The following SDK1 variants were observed in gnomAD, a reference collection of about 807,000 sequenced individuals.
SDK1 encodes the protein sidekick cell adhesion molecule 1.
A neutral mutation model predicts 245.5 loss-of-function variants in SDK1; 157 were observed. That is an observed-to-expected ratio of 0.64 (90% confidence interval 0.56 to 0.73). The LOEUF (loss-of-function observed/expected upper bound fraction) is 0.73, where lower values mean the gene tolerates loss of function less well. Among genes scored for constraint, SDK1 ranks in the 30% least tolerant of loss-of-function variants. The pLI, the probability that SDK1 is intolerant of heterozygous loss-of-function variation, is 0.00. For synonymous variants in SDK1, 1,647 were observed against 1,278.5 expected (o/e 1.29, Z -6.15); for missense variants, 3,583 against 3,002.3 (o/e 1.19, Z -4.52).
In SDK1 at chr7:4,157,351, A is replaced by G. The variant is rs1383320111; in HGVS notation, c.4626-1097A>G. 2.6e-5 allele frequency among the ~76,000 whole-genome samples: 3 copies of G among 115,628 alleles called. 1 individual carries two copies. The highest frequency in any genetic ancestry group is 7.5e-5 in the African/African-American group (2 of 26,818). The allele number at this position is 115,628 out of a possible 152,430, so 75.9% of individuals were successfully genotyped here. A position where few individuals can be genotyped will look rare whatever the true frequency, so the allele number is the denominator to read the frequency against. ...TGGAAGGGAGAGAAGGGAAGAAGGA[A>G]GGAAAGTGGGAAGGGAGGAAGAAGG... On this transcript the variant is annotated intron_variant, in intron 30 of 44. Transcript: ENST00000404826.
At chr7:3,848,387 C>A (rs58462438) in intron 5 of SDK1, among the ~76,000 whole-genome samples, 170 of 152,270 alleles carry the variant, frequency 1.1e-3, no homozygotes, top group African/African-American at 4.0e-3. Flanking sequence ...GTCTTCCTTA[C>A]GTCCTTCAGA....
At chr7:4,253,852 C>T (rs1787462041) in intron 44 of SDK1, among the ~76,000 whole-genome samples, 1 of 152,122 alleles carries the variant, frequency 6.6e-6, no homozygotes, top group Non-Finnish European at 1.5e-5. Context: ...ACCATTTTAT[C>T]AGATATTTGC....
chr7:3,868,047 C>T (rs1052207584), intron 5 of SDK1, among the ~76,000 whole-genome samples: 16 of 152,074 alleles, frequency 1.1e-4, no homozygotes, highest in Non-Finnish European at 1.8e-4. Context: ...GAATGTTTCA[C>T]GGAATGTTAA....
intron 4 of SDK1, among the ~76,000 whole-genome samples, chr7:3,684,896 G>A (rs896951094): frequency 6.6e-6 from 1 of 152,068 alleles, no homozygotes; most frequent in Non-Finnish European, 1.5e-5. Flanking sequence ...ACAGAGGACC[G>A]AATCCATGAA....
chr7:4,056,406 A>G (rs1471851547), intron 19 of SDK1, among the ~76,000 whole-genome samples: 1 of 152,170 alleles, frequency 6.6e-6, no homozygotes, highest in Non-Finnish European at 1.5e-5. Context: ...AAGAACAAGA[A>G]CAGCAAGTAG....
chr7:4,130,683 G>C (rs1321134832), intron 27 of SDK1, among the ~76,000 whole-genome samples: 1 of 152,180 alleles, frequency 6.6e-6, no homozygotes, highest in Non-Finnish European at 1.5e-5. Flanking sequence ...CGCCTTGCCA[G>C]CTTTGTTTTC....
intron 1 of SDK1, among the ~76,000 whole-genome samples, chr7:3,529,343 G>C (rs1197616232): frequency 2.0e-5 from 3 of 152,148 alleles, no homozygotes; most frequent in African/African-American, 7.2e-5. Flanking sequence ...GCTCCTTGAA[G>C]GAATAGTTAA....
At chr7:3,924,478 C>T (rs1267490029) in intron 5 of SDK1, among the ~76,000 whole-genome samples, 1 of 152,208 alleles carries the variant, frequency 6.6e-6, no homozygotes, top group African/African-American at 2.4e-5. Flanking sequence ...ACCCCTGCTG[C>T]ACCCAGAGCT....
chr7:3,502,313 A>G (rs1782242644), intron 1 of SDK1, among the ~76,000 whole-genome samples: 1 of 152,086 alleles, frequency 6.6e-6, no homozygotes. Flanking sequence ...GCAGTGGCAG[A>G]ATCTCGGCTC....
At chr7:3,597,059 A>G (rs988323850) in intron 1 of SDK1, among the ~76,000 whole-genome samples, 22 of 152,058 alleles carry the variant, frequency 1.4e-4, no homozygotes, top group African/African-American at 9.6e-5. Flanking sequence ...TCATGAGGTC[A>G]GGAGATCGAA....
At chr7:3,624,856 A>G (rs917540441) in intron 2 of SDK1, among the ~76,000 whole-genome samples, 3 of 151,734 alleles carry the variant, frequency 2.0e-5, no homozygotes, top group Non-Finnish European at 4.4e-5. Flanking sequence ...GACCAGCCTG[A>G]CCAACATGGA....
chr7:3,359,020 G>C (rs909419391), intron 1 of SDK1, among the ~76,000 whole-genome samples: 14 of 152,248 alleles, frequency 9.2e-5, no homozygotes, highest in Admixed American at 6.5e-4. Context: ...AGTTATGCTG[G>C]TTTCCTCAGG....
intron 1 of SDK1, among the ~76,000 whole-genome samples, chr7:3,439,737 C>T (rs1434436810): frequency 6.6e-6 from 1 of 152,188 alleles, no homozygotes; most frequent in African/African-American, 2.4e-5. Flanking sequence ...GTCATTTATA[C>T]ATGATTTAGC....
chr7:3,638,588 A>G (rs1782543119), intron 2 of SDK1, among the ~76,000 whole-genome samples: 1 of 145,330 alleles, frequency 6.9e-6, no homozygotes, highest in Non-Finnish European at 1.5e-5. Context: ...GAACAGTGAG[A>G]AAACATGGAC....
intron 44 of SDK1, among the ~76,000 whole-genome samples, chr7:4,258,262 C>T (rs945673283): frequency 2.6e-5 from 4 of 152,194 alleles, no homozygotes; most frequent in African/African-American, 4.8e-5. Flanking sequence ...CCAGTGAGAG[C>T]TCAGCAGTCC....
At chr7:3,948,353 G>T (rs1780660997) in intron 5 of SDK1, among the ~76,000 whole-genome samples, 2 of 150,548 alleles carry the variant, frequency 1.3e-5, no homozygotes, top group Non-Finnish European at 2.9e-5. Flanking sequence ...CACCTCTCGG[G>T]TTCCAGCGAT....
chr7:3,414,077 G>C (rs764140665), intron 1 of SDK1, among the ~76,000 whole-genome samples: 3 of 152,172 alleles, frequency 2.0e-5, no homozygotes, highest in Non-Finnish European at 2.9e-5. Flanking sequence ...AGTGGCAGCA[G>C]CAGAGATAGC....
At chr7:4,134,353 G>A (rs908718158) in intron 28 of SDK1, among the ~76,000 whole-genome samples, 2 of 152,172 alleles carry the variant, frequency 1.3e-5, no homozygotes, top group East Asian at 1.9e-4. Context: ...GGCCTGGCCC[G>A]GCGGAGAGGG....
intron 14 of SDK1, among the ~76,000 whole-genome samples, chr7:3,990,376 G>A (rs1784204739): frequency 1.3e-5 from 2 of 152,226 alleles, no homozygotes; most frequent in Non-Finnish European, 2.9e-5. Flanking sequence ...CCCAGAGATG[G>A]GGCAGGATAG....
Sources: allele counts gnomAD v4.1 joint callset (sites outside exome capture counted in the v4.1 genomes callset), GRCh38; gene constraint gnomAD v4.1.1; transcripts MANE v1.5; gene names NCBI Gene and HGNC (gene_info 2026-07-23, HGNC 2026-07-21).